SAMD12: variants seen among roughly 807,000 people sequenced by gnomAD.
The protein encoded by SAMD12 is sterile alpha motif domain containing 12, also known as sterile alpha motif domain-containing protein 12.
In SAMD12, 9 loss-of-function variants were observed where a neutral mutation model predicts 15.0. That is an observed-to-expected ratio of 0.60 (90% CI 0.36 to 1.05). The LOEUF (loss-of-function observed/expected upper bound fraction) is 1.05, where lower values mean the gene tolerates loss of function less well. Among genes scored for constraint, SAMD12 ranks in the 50% least tolerant of loss-of-function variants. SAMD12 has a pLI of 0.01. For missense variants in SAMD12, 230 were observed against 234.2 expected (o/e 0.98, Z 0.12); for synonymous variants, 86 against 90.1 (o/e 0.96, Z 0.25).
intron 4 of SAMD12, among the ~76,000 whole-genome samples, chr8:118,219,592 G>A (rs1351170132): frequency 6.6e-6 from 1 of 152,214 alleles, no homozygotes. Flanking sequence ...ATGATGGAAT[G>A]ATGCTATGCC....
chr8:118,279,626 C>T (rs951370470), intron 4 of SAMD12, among the ~76,000 whole-genome samples: 2 of 152,212 alleles, frequency 1.3e-5, no homozygotes, highest in Non-Finnish European at 2.9e-5. Context: ...ACATACAGAA[C>T]TGAAATCGTG....
At chr8:118,149,108 G>A in the SAMD12 span, among the ~76,000 whole-genome samples, 1 of 151,796 alleles carries the variant, frequency 6.6e-6, no homozygotes, top group Admixed American at 6.6e-5. Context: ...TTGTTTTTTT[G>A]AGACAAAGTC....
chr8:118,395,917 A>C (rs1257546026), intron 3 of SAMD12, among the ~76,000 whole-genome samples: 1 of 147,328 alleles, frequency 6.8e-6, no homozygotes. Context: ...AGATCGCAAG[A>C]GCAAGACTCC....
intron 4 of SAMD12, among the ~76,000 whole-genome samples, chr8:118,235,303 C>T (rs181912764): frequency 7.2e-5 from 11 of 152,064 alleles, no homozygotes; most frequent in Admixed American, 4.6e-4. Flanking sequence ...TTCTGCCTCA[C>T]GGGTTCAAGT....
intron 4 of SAMD12, among the ~76,000 whole-genome samples, chr8:118,365,678 C>T (rs571797692): frequency 3.3e-5 from 5 of 152,002 alleles, no homozygotes; most frequent in Non-Finnish European, 7.4e-5. Flanking sequence ...CAAAATCATG[C>T]GAGCCAATTC....
At chr8:118,132,371 G>A in the SAMD12 span, among the ~76,000 whole-genome samples, 2 of 152,110 alleles carry the variant, frequency 1.3e-5, no homozygotes, top group Non-Finnish European at 2.9e-5. Context: ...TCTGCAATGG[G>A]GAATGCACAA....
chr8:118,470,288 A>T (rs1467018273), intron 2 of SAMD12, among the ~76,000 whole-genome samples: 2 of 149,910 alleles, frequency 1.3e-5, no homozygotes, highest in Non-Finnish European at 1.5e-5. Context: ...TTCATGTATT[A>T]CTTAGGTAAT....
intron 1 of SAMD12, among the ~76,000 whole-genome samples, chr8:118,619,243 C>T (rs918937742): frequency 1.3e-5 from 2 of 151,942 alleles, no homozygotes; most frequent in Non-Finnish European, 1.5e-5. Flanking sequence ...AAGGGCACTT[C>T]GAGGTGGGCA....
intron 2 of SAMD12, among the ~76,000 whole-genome samples, chr8:118,519,861 T>A (rs897303704): frequency 6.6e-6 from 1 of 152,220 alleles, no homozygotes; most frequent in African/African-American, 2.4e-5. Context: ...GTATTCTAGA[T>A]AATTTGACTA....
intron 2 of SAMD12, among the ~76,000 whole-genome samples, chr8:118,503,356 G>A (rs76904339): frequency 6.6e-6 from 1 of 152,060 alleles, no homozygotes; most frequent in East Asian, 1.9e-4. Flanking sequence ...GCTGGGAATC[G>A]GTCTTTAATA....
the SAMD12 span, among the ~76,000 whole-genome samples, chr8:118,147,480 C>A: frequency 2.6e-5 from 4 of 151,328 alleles, no homozygotes; most frequent in Non-Finnish European, 5.9e-5. Context: ...CCTGTCTCAG[C>A]CTCCCGAGTA....
intron 2 of SAMD12, among the ~76,000 whole-genome samples, chr8:118,450,458 G>A (rs943242041): frequency 2.0e-5 from 3 of 152,160 alleles, no homozygotes; most frequent in East Asian, 1.9e-4. Flanking sequence ...CACACTCTAC[G>A]GGAGGTGCTG....
chr8:118,544,871 A>G (rs538080663), intron 2 of SAMD12, among the ~76,000 whole-genome samples: 1 of 152,358 alleles, frequency 6.6e-6, no homozygotes, highest in African/African-American at 2.4e-5. Flanking sequence ...AGAACATTCT[A>G]TGTGCCAGGC....
chr8:118,574,333 T>C (rs1052375377), intron 2 of SAMD12, among the ~76,000 whole-genome samples: 1 of 152,246 alleles, frequency 6.6e-6, no homozygotes, highest in African/African-American at 2.4e-5. Context: ...ACAAATACTA[T>C]TAACTAAGTG....
intron 3 of SAMD12, among the ~76,000 whole-genome samples, chr8:118,389,298 C>T (rs1023812327): frequency 1.3e-5 from 2 of 152,194 alleles, no homozygotes; most frequent in Non-Finnish European, 2.9e-5. Flanking sequence ...AGGGCAACCT[C>T]CTTATAAAAT....
At chr8:118,217,248 C>T (rs573673928) in intron 4 of SAMD12, among the ~76,000 whole-genome samples, 3 of 152,276 alleles carry the variant, frequency 2.0e-5, no homozygotes, top group South Asian at 4.1e-4. Context: ...GTGATCTGCC[C>T]GCCTCGGCCT....
intron 3 of SAMD12, among the ~76,000 whole-genome samples, chr8:118,418,506 G>A (rs549132000): frequency 1.3e-5 from 2 of 152,102 alleles, no homozygotes; most frequent in Admixed American, 1.3e-4. Context: ...ACAAGGTCAG[G>A]AGATCAAGAC....
At chr8:118,605,557 T>C (rs1313139663) in intron 1 of SAMD12, among the ~76,000 whole-genome samples, 1 of 152,078 alleles carries the variant, frequency 6.6e-6, no homozygotes, top group Non-Finnish European at 1.5e-5. Flanking sequence ...TACTCTCTCA[T>C]TTACCAGCTA....
At chr8:118,306,802 T>C (rs2130367926) in intron 4 of SAMD12, among the ~76,000 whole-genome samples, 1 of 152,318 alleles carries the variant, frequency 6.6e-6, no homozygotes, top group African/African-American at 2.4e-5. Context: ...TTCTGGTACC[T>C]TTCCTTACTT....
Sources: allele counts gnomAD v4.1 joint callset (sites outside exome capture counted in the v4.1 genomes callset), GRCh38; gene constraint gnomAD v4.1.1; transcripts MANE v1.5; gene names NCBI Gene and HGNC (gene_info 2026-07-23, HGNC 2026-07-21).